CWC27: variants seen among roughly 807,000 people sequenced by gnomAD.
CWC27 encodes the protein spliceosome-associated protein CWC27 homolog.
Under a neutral mutation model 63.6 loss-of-function variants are expected in CWC27, and 47 were observed. The ratio of observed to expected loss-of-function variants is 0.74; its 90% confidence interval spans 0.58 to 0.94. CWC27 has a LOEUF of 0.94. Ranked by LOEUF, CWC27 falls within the 40% of genes least tolerant of loss-of-function variation. The pLI is 0.00. For missense variants in CWC27, 495 were observed against 554.3 expected (o/e 0.89, Z 1.07); for synonymous variants, 175 against 179.8 (o/e 0.97, Z 0.22).
intron 10 of CWC27, among the ~76,000 whole-genome samples, chr5:64,821,017 A>G (rs1745182381): frequency 6.6e-6 from 1 of 152,016 alleles, no homozygotes; most frequent in Non-Finnish European, 1.5e-5. Flanking sequence ...CAAACCATAT[A>G]TCTGATAAAA....
At chr5:64,817,704 GAT>G (rs1745081228) in intron 10 of CWC27, among the ~76,000 whole-genome samples, 1 of 152,004 alleles carries the variant, frequency 6.6e-6, no homozygotes, top group Non-Finnish European at 1.5e-5. Flanking sequence ...TGCTAGTTTT[GAT>G]ATGTTAGTGA....
rs933688366 is a variant in CWC27 at position 64,800,438 on chromosome 5, C to T, written c.749+111C>T. ...CCTCATAAGTCAAAAATTTTTAAGC[C>T]AGCCAAAAAAATAAAGCATTTTGAT... On this transcript the variant is annotated intron_variant, in intron 8 of 13. Coordinates refer to ENST00000381070, the MANE Select transcript of CWC27 (RefSeq NM_005869.4). 4 of 621,500 alleles carry T rather than the reference C, an allele frequency of 6.4e-6. No homozygotes were observed. The African/African-American group carries it at 7.7e-5, about 12-fold the overall frequency. 38.5% of individuals were successfully genotyped at this position (621,500 alleles called of 1,614,324 possible). A position where few individuals can be genotyped will look rare whatever the true frequency, so the allele number is the denominator to read the frequency against.
chr5:64,921,556 A>G (rs1747999231), intron 11 of CWC27, among the ~76,000 whole-genome samples: 1 of 152,040 alleles, frequency 6.6e-6, no homozygotes, highest in Admixed American at 6.6e-5. Context: ...GGGTAATCCT[A>G]CTTGAGATAG....
In CWC27 at chr5:64,947,739, C is replaced by G. The variant is rs141622026; in HGVS notation, c.1043-23964C>G. On this transcript the variant is annotated intron_variant, in intron 11 of 13. Coordinates refer to ENST00000381070, the MANE Select transcript of CWC27 (RefSeq NM_005869.4). ...ATCAGACAGAAATATTTCCTATGGG[C>G]CTCCCCTCTTTGTAGAAAGAAATCT... is the stretch of plus-strand genomic sequence containing the variant. Among the ~76,000 whole-genome samples, 623 of 152,098 alleles carry G rather than the reference C, an allele frequency of 4.1e-3. 2 individuals are homozygous for G. The highest frequency in any genetic ancestry group is 0.014 in the African/African-American group (582 of 41,512).
intron 13 of CWC27, among the ~76,000 whole-genome samples, chr5:64,995,048 A>T (rs1580770937): frequency 6.8e-6 from 1 of 146,150 alleles, no homozygotes; most frequent in African/African-American, 2.5e-5. Flanking sequence ...TCACTCTGTC[A>T]CCCAGAGTTT....
chr5:64,872,892 T>C (rs1223236903), intron 10 of CWC27, among the ~76,000 whole-genome samples: 1 of 152,140 alleles, frequency 6.6e-6, no homozygotes, highest in Non-Finnish European at 1.5e-5. Context: ...CTCTGATGGG[T>C]CCCAGATTAG....
intron 11 of CWC27, among the ~76,000 whole-genome samples, chr5:64,901,741 A>C (rs1747515714): frequency 6.6e-6 from 1 of 152,202 alleles, no homozygotes; most frequent in Admixed American, 6.5e-5. Flanking sequence ...ACTGTTTTGT[A>C]ATCACACGTA....
At chr5:64,971,859 T>G in intron 12 of CWC27, 47 bp downstream of exon 12, 1 of 1,222,268 alleles carries the variant, frequency 8.2e-7, no homozygotes, top group Non-Finnish European at 1.2e-6. Flanking sequence ...GTCTTTTTAT[T>G]GTTTTTAAGT....
At chr5:64,833,012 C>A (rs1391498155) in intron 10 of CWC27, among the ~76,000 whole-genome samples, 1 of 151,686 alleles carries the variant, frequency 6.6e-6, no homozygotes, top group Non-Finnish European at 1.5e-5. Flanking sequence ...CAAGTTGTAA[C>A]CTGAGTTTTC....
chr5:64,926,074 A>G (rs940913021), intron 11 of CWC27, among the ~76,000 whole-genome samples: 1 of 152,204 alleles, frequency 6.6e-6, no homozygotes, highest in African/African-American at 2.4e-5. Context: ...AGCATCAGAC[A>G]TACATTTTAA....
rs529889447 is a variant in CWC27, at chr5:64,808,793, T to A, written c.938+4407T>A. The stretch of plus-strand genomic sequence containing the variant: ...TTATGTTCCATTATAGGAGTGGTTT[T>A]CACTCCTAACCGCACATTAGGCTCA... On this transcript the variant is annotated intron_variant, in intron 10 of 13. Transcript: ENST00000381070. 3.3e-5 allele frequency among the ~76,000 whole-genome samples: 5 copies of A among 152,322 alleles called. No individual in the cohort carries two copies. The South Asian group carries it at 1.0e-3, about 32-fold the overall frequency.
At chr5:65,017,826 G>T (rs927795852) in intron 13 of CWC27, among the ~76,000 whole-genome samples, 2 of 152,210 alleles carry the variant, frequency 1.3e-5, no homozygotes, top group African/African-American at 4.8e-5. Context: ...GTTCTTTAAA[G>T]GAAGCAGACA....
At chr5:65,004,907 CAT>C (rs1442245363) in intron 13 of CWC27, among the ~76,000 whole-genome samples, 1,973 of 56,660 alleles carry the variant, frequency 0.035, 56 homozygotes, top group East Asian at 0.08. Flanking sequence ...TATATATATA[CAT>C]ACACACACAC....
chr5:64,831,890 T>C (rs1745530932), intron 10 of CWC27, among the ~76,000 whole-genome samples: 1 of 152,004 alleles, frequency 6.6e-6, no homozygotes, highest in Admixed American at 6.6e-5. Context: ...TCTGCCTCTT[T>C]ATTCACTCTG....
chr5:64,906,257 T>C (rs1192585388), intron 11 of CWC27, among the ~76,000 whole-genome samples: 1 of 152,188 alleles, frequency 6.6e-6, no homozygotes, highest in Non-Finnish European at 1.5e-5. Flanking sequence ...ATAGCCACAT[T>C]GTCTTCCACA....
chr5:64,961,674 C>G (rs1198922991), intron 11 of CWC27, among the ~76,000 whole-genome samples: 2 of 152,146 alleles, frequency 1.3e-5, no homozygotes, highest in African/African-American at 4.8e-5. Flanking sequence ...ACAGAAGACA[C>G]TGTGTAATTA....
intron 10 of CWC27, among the ~76,000 whole-genome samples, chr5:64,832,862 C>G (rs915224680): frequency 6.6e-6 from 1 of 151,680 alleles, no homozygotes; most frequent in African/African-American, 2.4e-5. Flanking sequence ...CATAGACGCT[C>G]TTGAAATGAT....
intron 13 of CWC27, among the ~76,000 whole-genome samples, chr5:65,012,443 G>A (rs1284600217): frequency 1.3e-5 from 2 of 152,170 alleles, no homozygotes; most frequent in Non-Finnish European, 2.9e-5. Flanking sequence ...TGCTATTTTT[G>A]TTGTCTCACA....
intron 10 of CWC27, among the ~76,000 whole-genome samples, chr5:64,809,110 A>G (rs1015261627): frequency 1.3e-5 from 2 of 152,078 alleles, no homozygotes; most frequent in African/African-American, 2.4e-5. Flanking sequence ...CTTCCCCCTC[A>G]TCTCCTAATA....
Sources: allele counts gnomAD v4.1 joint callset (sites outside exome capture counted in the v4.1 genomes callset), GRCh38; gene constraint gnomAD v4.1.1; transcripts MANE v1.5; gene names NCBI Gene and HGNC (gene_info 2026-07-23, HGNC 2026-07-21).